DGKB: variants seen among roughly 807,000 people sequenced by gnomAD.
DGKB encodes diacylglycerol kinase beta.
In DGKB, 67 loss-of-function variants were observed where a neutral mutation model predicts 114.3. The observed-to-expected ratio is 0.59, with a 90% CI of 0.48 to 0.72. DGKB has a LOEUF of 0.72. Ranked by LOEUF, DGKB falls within the 30% of genes least tolerant of loss-of-function variation. The pLI is 0.00. For missense variants in DGKB, 907 were observed against 975.2 expected (o/e 0.93, Z 0.93); for synonymous variants, 398 against 323.1 (o/e 1.23, Z -2.49).
At chr7:14,430,057 T>TA in intron 21 of DGKB, among the ~76,000 whole-genome samples, 1 of 152,332 alleles carries the variant, frequency 6.6e-6, no homozygotes, top group Non-Finnish European at 1.5e-5. Flanking sequence ...CTAGACTTTT[T>TA]AGTTACATTC....
chr7:14,313,332 G>C (rs538692251), intron 23 of DGKB, among the ~76,000 whole-genome samples: 2 of 152,036 alleles, frequency 1.3e-5, no homozygotes, highest in Admixed American at 6.6e-5. Context: ...CGCAGAAGAC[G>C]GGTGATTTCT....
intron 4 of DGKB, among the ~76,000 whole-genome samples, chr7:14,737,444 T>C (rs965735264): frequency 5.3e-5 from 8 of 151,992 alleles, no homozygotes; most frequent in Admixed American, 2.0e-4. Context: ...GTAATAATAC[T>C]GGGGGAAAGA....
At chr7:14,664,952 C>T (rs551641018) in intron 13 of DGKB, among the ~76,000 whole-genome samples, 2 of 151,920 alleles carry the variant, frequency 1.3e-5, no homozygotes, top group African/African-American at 4.8e-5. Flanking sequence ...GAAAAATAAA[C>T]AGTAGAAAGC....
chr7:14,894,727 A>T (rs536127105), intron 1 of DGKB, among the ~76,000 whole-genome samples: 1 of 151,556 alleles, frequency 6.6e-6, no homozygotes, highest in Non-Finnish European at 1.5e-5. Context: ...AAAAAGCATT[A>T]ATAGCTCTAA....
chr7:14,803,581 GT>G (rs1363496621), intron 2 of DGKB, among the ~76,000 whole-genome samples: 3 of 152,084 alleles, frequency 2.0e-5, no homozygotes, highest in African/African-American at 7.2e-5. Context: ...CTTCAACACT[GT>G]TAGACACTGT....
intron 6 of DGKB, among the ~76,000 whole-genome samples, chr7:14,702,981 C>CAAT (rs1825472437): frequency 1.3e-5 from 2 of 152,090 alleles, no homozygotes; most frequent in African/African-American, 4.8e-5. Flanking sequence ...GACTTAAGGG[C>CAAT]AATAATACTA....
At chr7:14,284,720 A>T (rs1584932848) in intron 23 of DGKB, among the ~76,000 whole-genome samples, 2 of 151,684 alleles carry the variant, frequency 1.3e-5, no homozygotes, top group Non-Finnish European at 1.5e-5. Flanking sequence ...AGGGACATGG[A>T]TGAAATTGGA....
intron 1 of DGKB, among the ~76,000 whole-genome samples, chr7:14,858,388 T>A (rs1189985558): frequency 6.6e-6 from 1 of 152,186 alleles, no homozygotes; most frequent in Non-Finnish European, 1.5e-5. Flanking sequence ...TTTCTCTTAC[T>A]TATTTTAGGA....
rs190721637 is a variant in DGKB at position 14,545,592 on chromosome 7, G to A, written c.1770+28620C>T. 1.9e-3 allele frequency among the ~76,000 whole-genome samples: 290 copies of A among 152,252 alleles called. 3 individuals are homozygous for A. The highest frequency in any genetic ancestry group is 6.8e-3 in the African/African-American group (282 of 41,564). ...GAACTATGAAGAACAAGTGACCATG[G>A]AGCCCAGACTAAAGGCTTAATCAGC... On this transcript the variant is annotated intron_variant, in intron 20 of 25. Transcript: ENST00000402815.
At chr7:14,909,441 G>A (rs1160585541) in intron 1 of DGKB, among the ~76,000 whole-genome samples, 1 of 151,832 alleles carries the variant, frequency 6.6e-6, no homozygotes, top group Non-Finnish European at 1.5e-5. Context: ...ATATTACTGG[G>A]ATTTAGCTTC....
intron 2 of DGKB, among the ~76,000 whole-genome samples, chr7:14,779,268 G>T (rs58238061): frequency 0.03 from 4,522 of 152,212 alleles, 191 homozygotes; most frequent in African/African-American, 0.097. Flanking sequence ...GAGGGGTGGG[G>T]TTCATGCCTG....
At chr7:14,532,359 A>T (rs1791739484) in intron 20 of DGKB, among the ~76,000 whole-genome samples, 1 of 151,440 alleles carries the variant, frequency 6.6e-6, no homozygotes, top group African/African-American at 2.4e-5. Context: ...TAGGATACAA[A>T]ACAAGATCTA....
At chr7:14,458,173 C>A (rs943859812) in intron 21 of DGKB, among the ~76,000 whole-genome samples, 1 of 152,112 alleles carries the variant, frequency 6.6e-6, no homozygotes, top group African/African-American at 2.4e-5. Context: ...TTCAGGTATT[C>A]TAACCACCTG....
At chr7:14,595,422 A>C (rs984942288) in intron 17 of DGKB, among the ~76,000 whole-genome samples, 7 of 152,166 alleles carry the variant, frequency 4.6e-5, no homozygotes, top group African/African-American at 7.2e-5. Flanking sequence ...ACTTGTGTTC[A>C]TGGACTATTG....
intron 2 of DGKB, chr7:14,816,652 T>C (rs1844196823): frequency 6.6e-6 from 1 of 152,134 alleles, no homozygotes; most frequent in South Asian, 2.1e-4. Flanking sequence ...GCAAAAACAA[T>C]ACTATCTCGT....
At chr7:14,677,838 G>T (rs1489368464) in intron 12 of DGKB, among the ~76,000 whole-genome samples, 3 of 152,016 alleles carry the variant, frequency 2.0e-5, no homozygotes, top group Non-Finnish European at 4.4e-5. Flanking sequence ...TCAGAAGGCA[G>T]TTTTCCACTG....
intron 23 of DGKB, among the ~76,000 whole-genome samples, chr7:14,199,218 A>T (rs1201125886): frequency 6.6e-6 from 1 of 152,068 alleles, no homozygotes; most frequent in African/African-American, 2.4e-5. Context: ...ATAGACAAAA[A>T]TTTCCACGAG....
chr7:14,724,667 C>G (rs1829748859), intron 5 of DGKB, among the ~76,000 whole-genome samples: 1 of 152,164 alleles, frequency 6.6e-6, no homozygotes, highest in Non-Finnish European at 1.5e-5. Flanking sequence ...TGGTTGTGTG[C>G]AAACAATACT....
chr7:14,590,279 T>C (rs1801492496), intron 17 of DGKB, among the ~76,000 whole-genome samples: 1 of 152,134 alleles, frequency 6.6e-6, no homozygotes, highest in South Asian at 2.1e-4. Context: ...CCAGCTATAC[T>C]TCTGTAGCAA....
Sources: gnomAD v4.1 joint callset for allele counts (sites outside exome capture counted in the v4.1 genomes callset) on GRCh38, gnomAD v4.1.1 for gene constraint, MANE v1.5 for transcripts, NCBI Gene and HGNC (gene_info 2026-07-23, HGNC 2026-07-21) for gene names.